The following PCMTD1 variants were observed in gnomAD, a reference collection of about 807,000 sequenced individuals.
PCMTD1 encodes the protein protein-L-isoaspartate (D-aspartate) O-methyltransferase domain containing 1.
A neutral mutation model predicts 37.6 loss-of-function variants in PCMTD1; 12 were observed. That is an observed-to-expected ratio of 0.32 (90% CI 0.20 to 0.52). The LOEUF is 0.52. Ranked by LOEUF, PCMTD1 falls within the 20% of genes least tolerant of loss-of-function variation. The pLI is 0.97. For synonymous variants in PCMTD1, 117 were observed against 135.8 expected (o/e 0.86, Z 0.96); for missense variants, 235 against 421.3 (o/e 0.56, Z 3.87).
rs74759296 is a variant in PCMTD1 at position 51,890,062 on chromosome 8, C to G, written c.-96+8868G>C. 4.9e-3 allele frequency among the ~76,000 whole-genome samples: 732 copies of G among 150,420 alleles called. 6 individuals carry two copies. Among genetic ancestry groups the G allele is most frequent in the African/African-American group, 0.017 (701 of 41,000 alleles). On this transcript the variant is annotated intron_variant, in intron 1 of 5. Transcript: ENST00000522514. ...CATAAATAATGAGGTAATTAAACTACTTTAAGTCCATGGTGATTACCTCCC... is the reference window on the plus strand; with the variant it reads ...CATAAATAATGAGGTAATTAAACTAGTTTAAGTCCATGGTGATTACCTCCC...
At chr8:51,840,775 T>C (rs1477258960) in intron 3 of PCMTD1, among the ~76,000 whole-genome samples, 1 of 152,054 alleles carries the variant, frequency 6.6e-6, no homozygotes, top group Non-Finnish European at 1.5e-5. Flanking sequence ...ACTCTACATA[T>C]AAAACTTATA....
chr8:51,834,359 T>C (rs909037650), intron 3 of PCMTD1, among the ~76,000 whole-genome samples: 2 of 152,196 alleles, frequency 1.3e-5, no homozygotes, highest in African/African-American at 4.8e-5. Context: ...AAAGGTATTT[T>C]ATCTGGGCTG....
intron 5 of PCMTD1, among the ~76,000 whole-genome samples, chr8:51,822,579 C>A (rs1176026007): frequency 6.6e-6 from 1 of 152,182 alleles, no homozygotes; most frequent in African/African-American, 2.4e-5. Flanking sequence ...TACTCGTCAC[C>A]ATTTTCAATG....
At position 51,861,069 on chromosome 8, in the gene PCMTD1, C is replaced by CT; in HGVS notation, c.82dup (p.Arg28LysfsTer10). The CT allele has an allele frequency of 6.2e-7, 1 of 1,614,136 alleles. No individual in the cohort carries two copies. The highest frequency in any genetic ancestry group is 8.5e-7 in the Non-Finnish European group (1 of 1,180,012). On this transcript the variant is annotated frameshift_variant, in exon 2 of 6. Transcript: ENST00000522514. LOFTEE classifies it high-confidence loss of function. ...AATCGCTCTGAAGGCTTGCTCCACT[C>CT]TTTCAGTACGAATATACTGAGCTTC...
chr8:51,897,771 C>A (rs1251150005), intron 1 of PCMTD1, among the ~76,000 whole-genome samples: 11 of 152,058 alleles, frequency 7.2e-5, no homozygotes, highest in Non-Finnish European at 1.5e-4. Context: ...AAGGCTTCCC[C>A]AAGCCTACGT....
chr8:51,825,671 G>A lies in PCMTD1; in HGVS notation c.707-4953C>T, dbSNP rs1252315178. Among the ~76,000 whole-genome samples, 5 of 26,656 alleles carry A rather than the reference G, an allele frequency of 1.9e-4. 1 individual carries two copies. Among genetic ancestry groups the A allele is most frequent in the Non-Finnish European group, 2.2e-3 (2 of 928 alleles). The allele number at this position is 26,656 out of a possible 152,430, so 17.5% of individuals were successfully genotyped here. A position where few individuals can be genotyped will look rare whatever the true frequency, so the allele number is the denominator to read the frequency against. Reference sequence around the variant, plus strand: ...ATTGCGCCACTGCAGTCCGCAGTCCGGCCTGGGCGACAGAGCGAGACTCCG... The same window carrying A: ...ATTGCGCCACTGCAGTCCGCAGTCCAGCCTGGGCGACAGAGCGAGACTCCG... On this transcript the variant is annotated intron_variant, in intron 5 of 5. Coordinates refer to ENST00000522514, the MANE Select transcript of PCMTD1 (RefSeq NM_052937.4).
At chr8:51,835,452 T>C (rs758465296) in intron 3 of PCMTD1, among the ~76,000 whole-genome samples, 2 of 152,340 alleles carry the variant, frequency 1.3e-5, no homozygotes, top group African/African-American at 2.4e-5. Context: ...GTTTAAAATA[T>C]GGCCAAAATA....
intron 2 of PCMTD1, among the ~76,000 whole-genome samples, chr8:51,857,469 A>G (rs1253675051): frequency 6.6e-6 from 1 of 152,246 alleles, no homozygotes; most frequent in Non-Finnish European, 1.5e-5. Flanking sequence ...CCTGAATCAC[A>G]AAGAGTTTAT....
chr8:51,850,162 A>G, intron 2 of PCMTD1: 1 of 695,332 alleles, frequency 1.4e-6, no homozygotes, highest in Middle Eastern at 2.3e-4. Context: ...TAACTGTTGT[A>G]TAATCTAAGA....
chr8:51,857,391 T>C (rs2038406923), intron 2 of PCMTD1, among the ~76,000 whole-genome samples: 1 of 152,198 alleles, frequency 6.6e-6, no homozygotes. Context: ...AGAATTTTTA[T>C]ATTATGGTTT....
intron 1 of PCMTD1, among the ~76,000 whole-genome samples, chr8:51,887,222 G>A (rs926091721): frequency 6.6e-6 from 1 of 152,074 alleles, no homozygotes; most frequent in Non-Finnish European, 1.5e-5. Flanking sequence ...GCAGGTTCCA[G>A]GGATTAGAAC....
chr8:51,895,179 T>C (rs1011234081), intron 1 of PCMTD1, among the ~76,000 whole-genome samples: 1 of 152,146 alleles, frequency 6.6e-6, no homozygotes, highest in African/African-American at 2.4e-5. Flanking sequence ...CATCTATCTA[T>C]ACTTCAGGAA....
chr8:51,834,506 C>A (rs1285369785), intron 3 of PCMTD1, among the ~76,000 whole-genome samples: 1 of 152,096 alleles, frequency 6.6e-6, no homozygotes, highest in Non-Finnish European at 1.5e-5. Flanking sequence ...ATTAAAACCC[C>A]AATGCACTAA....
At chr8:51,857,684 C>T (rs2038411558) in intron 2 of PCMTD1, among the ~76,000 whole-genome samples, 1 of 152,132 alleles carries the variant, frequency 6.6e-6, no homozygotes, top group Non-Finnish European at 1.5e-5. Context: ...TAAGGAGAAG[C>T]AAACAGGACA....
intron 1 of PCMTD1, among the ~76,000 whole-genome samples, chr8:51,890,473 C>T (rs978306995): frequency 2.0e-5 from 3 of 152,104 alleles, no homozygotes; most frequent in South Asian, 2.1e-4. Flanking sequence ...TTTAGAATAC[C>T]GAGACTTACA....
intron 1 of PCMTD1, among the ~76,000 whole-genome samples, chr8:51,869,975 G>C (rs1470831517): frequency 1.3e-5 from 2 of 152,128 alleles, no homozygotes; most frequent in African/African-American, 4.8e-5. Context: ...ATCTATTTAG[G>C]AAAGAACTGT....
intron 2 of PCMTD1, among the ~76,000 whole-genome samples, chr8:51,859,033 A>G (rs1333468648): frequency 6.6e-6 from 1 of 152,194 alleles, no homozygotes; most frequent in Non-Finnish European, 1.5e-5. Flanking sequence ...CACTGCTGGC[A>G]AGATAGCAAA....
chr8:51,877,503 T>TA (rs1282637846), intron 1 of PCMTD1, among the ~76,000 whole-genome samples: 1 of 152,220 alleles, frequency 6.6e-6, no homozygotes, highest in Admixed American at 6.5e-5. Context: ...GCTAAGAACA[T>TA]AAAGTACATT....
chr8:51,861,477 GAAGTC>G lies in PCMTD1; in HGVS notation c.-95-236_-95-232del, dbSNP rs552411730. Among the ~76,000 whole-genome samples the G allele has an allele frequency of 7.5e-4, 114 of 152,236 alleles. 1 individual carries two copies. The highest frequency in any genetic ancestry group is 2.5e-3 in the African/African-American group (105 of 41,556). On this transcript the variant is annotated intron_variant, in intron 1 of 5. Transcript: ENST00000522514. ...ACAGATGGGAAAACTGGAACACAAA[GAAGTC>G]AAGTAAGTCACCTAGTACCGTGAAG...
Sources: gnomAD v4.1 joint callset for allele counts (sites outside exome capture counted in the v4.1 genomes callset) on GRCh38, gnomAD v4.1.1 for gene constraint, MANE v1.5 for transcripts, NCBI Gene and HGNC (gene_info 2026-07-23, HGNC 2026-07-21) for gene names.